MORC1: variants seen among roughly 807,000 people sequenced by gnomAD.
MORC1 encodes MORC family CW-type zinc finger protein 1.
Under a neutral mutation model 134.9 loss-of-function variants are expected in MORC1, and 59 were observed. The ratio of observed to expected loss-of-function variants is 0.44; its 90% CI spans 0.35 to 0.54. The LOEUF (loss-of-function observed/expected upper bound fraction) is 0.54. Among genes scored for constraint, MORC1 ranks in the 20% least tolerant of loss-of-function variants. MORC1 has a pLI of 0.00. For missense variants in MORC1, 947 were observed against 1,134.5 expected, an observed-to-expected ratio of 0.83 and a Z score of 2.37; for synonymous variants, 395 against 391.7, an observed-to-expected ratio of 1.01 and a Z score of -0.10.
chr3:109,021,182 C>G (rs1253774159), intron 17 of MORC1, among the ~76,000 whole-genome samples: 1 of 152,124 alleles, frequency 6.6e-6, no homozygotes, highest in African/African-American at 2.4e-5. Flanking sequence ...TGAGGTGTAC[C>G]CCAGACGCCA....
rs367910895 is a variant in MORC1, at chr3:109,092,394, C to T, written c.689+1042G>A. On this transcript the variant is annotated intron_variant, in intron 8 of 27. Transcript: ENST00000232603. ...GTGGAAAGAAATTTCTAAATTTCAC[C>T]TCATTGGGAAAAGCAAAAGAAGTTC... Among the ~76,000 whole-genome samples, 44 of 152,094 alleles carry T rather than the reference C, an allele frequency of 2.9e-4. 1 individual carries two copies. In the East Asian group the frequency reaches 5.8e-3, roughly 20 times the overall value.
chr3:109,082,334 C>G (rs1950539515), intron 8 of MORC1, among the ~76,000 whole-genome samples: 2 of 151,094 alleles, frequency 1.3e-5, no homozygotes, highest in Admixed American at 6.6e-5. Context: ...AAAAACCAGA[C>G]AGAGAAGACT....
At chr3:109,077,120 A>C (rs747835092) in intron 8 of MORC1, among the ~76,000 whole-genome samples, 1 of 152,216 alleles carries the variant, frequency 6.6e-6, no homozygotes, top group Non-Finnish European at 1.5e-5. Flanking sequence ...AATAGTTCTA[A>C]GGGAAACTAT....
intron 8 of MORC1, among the ~76,000 whole-genome samples, chr3:109,077,991 G>A (rs1043483591): frequency 3.3e-5 from 5 of 151,988 alleles, no homozygotes; most frequent in Non-Finnish European, 5.9e-5. Context: ...CGAAGTGGGG[G>A]AAATAACAGA....
intron 14 of MORC1, among the ~76,000 whole-genome samples, chr3:109,044,121 GAATTA>G (rs568663839): frequency 1.1e-3 from 174 of 152,138 alleles, no homozygotes; most frequent in African/African-American, 4.0e-3. Context: ...AATGCACACA[GAATTA>G]AATTCTCAAT....
At chr3:109,085,335 G>C (rs1303426091) in intron 8 of MORC1, among the ~76,000 whole-genome samples, 1 of 152,122 alleles carries the variant, frequency 6.6e-6, no homozygotes, top group East Asian at 1.9e-4. Flanking sequence ...CTGCAGAATA[G>C]GAGAAAATAT....
Position 108,984,743 on chromosome 3 carries a change from C to G in MORC1, c.2297G>C (p.Arg766Thr), listed in dbSNP as rs746706857. 9.9e-6 allele frequency: 16 copies of G among 1,609,296 alleles called. 1 individual carries two copies. In the South Asian group the frequency reaches 1.8e-4, roughly 18 times the overall value. Residue 766 changes from arginine to threonine, a missense_variant, in exon 23 of 28, where the codon AGA becomes ACA. Arg to Thr is a moderately conservative substitution (Grantham distance 71). Coordinates refer to ENST00000232603, the MANE Select transcript of MORC1 (RefSeq NM_014429.4). ...TTTCCAGCTAGGTAATGAAGAGCTT[C>G]TTTTCATTGCTAGAACATCATTGCA... The part of the protein sequence containing the change: ...ELCNDVLAMK[R>T]SSSLPSWKSL...
chr3:109,055,032 A>G (rs1949924521), intron 13 of MORC1, 150 bp from the exon 14 acceptor site: 6 of 710,926 alleles, frequency 8.4e-6, no homozygotes, highest in Non-Finnish European at 1.4e-5. Flanking sequence ...TTAGCTAATT[A>G]TGTTATCATA....
chr3:108,960,716 T>C (rs1947057118), intron 27 of MORC1, among the ~76,000 whole-genome samples: 1 of 152,118 alleles, frequency 6.6e-6, no homozygotes, highest in Admixed American at 6.6e-5. Context: ...ATTCCTCTCA[T>C]CAGACAAGGG....
At chr3:109,107,304 T>C (rs1951060722) in intron 3 of MORC1, among the ~76,000 whole-genome samples, 1 of 152,136 alleles carries the variant, frequency 6.6e-6, no homozygotes, top group South Asian at 2.1e-4. Flanking sequence ...TATCTATTTG[T>C]CTTTTGGACC....
In MORC1 at chr3:109,070,872, C is replaced by A. The variant is rs184833854; in HGVS notation, c.690-1115G>T. ...GAAGCTCATTAAAAAGTCAGGAATT[C>A]ATCTTAATTGTTCCAAAGGAAATTC... On this transcript the variant is annotated intron_variant, in intron 8 of 27. Coordinates refer to ENST00000232603, the MANE Select transcript of MORC1 (RefSeq NM_014429.4). 2.0e-3 allele frequency among the ~76,000 whole-genome samples: 298 copies of A among 152,060 alleles called. 1 individual carries two copies. Among genetic ancestry groups the A allele is most frequent in the African/African-American group, 6.6e-3 (275 of 41,362 alleles).
chr3:109,045,679 T>A (rs1004578839), intron 14 of MORC1, among the ~76,000 whole-genome samples: 1 of 152,194 alleles, frequency 6.6e-6, no homozygotes, highest in Non-Finnish European at 1.5e-5. Flanking sequence ...GATGCTACAG[T>A]CCTTCTTCCC....
At chr3:108,999,610 T>C (rs1344767461) in intron 21 of MORC1, among the ~76,000 whole-genome samples, 1 of 152,200 alleles carries the variant, frequency 6.6e-6, no homozygotes, top group Admixed American at 6.5e-5. Context: ...CACAAATCTA[T>C]ATAGCATTTT....
intron 23 of MORC1, among the ~76,000 whole-genome samples, chr3:108,982,674 A>T (rs1947768056): frequency 6.6e-6 from 1 of 150,596 alleles, no homozygotes; most frequent in South Asian, 2.1e-4. Context: ...GCACATGTAT[A>T]CCTATGTAAC....
chr3:109,014,988 C>T (rs376453645), intron 17 of MORC1, among the ~76,000 whole-genome samples: 2 of 152,170 alleles, frequency 1.3e-5, no homozygotes, highest in African/African-American at 4.8e-5. Context: ...TGGGTTCAAG[C>T]GATTCTCCTG....
At chr3:109,067,723 T>C (rs1196588030) in intron 9 of MORC1, among the ~76,000 whole-genome samples, 1 of 152,180 alleles carries the variant, frequency 6.6e-6, no homozygotes, top group East Asian at 1.9e-4. Context: ...GACTGATTTA[T>C]AGGGAAAGTC....
At chr3:109,044,017 C>T (rs142142471) in intron 14 of MORC1, among the ~76,000 whole-genome samples, 7 of 152,096 alleles carry the variant, frequency 4.6e-5, no homozygotes, top group Non-Finnish European at 8.8e-5. Flanking sequence ...TGAAAGCACA[C>T]AGCTAATTTT....
rs975231219 is a variant in MORC1, at chr3:109,009,197, G to T, written c.1705-2106C>A. Among the ~76,000 whole-genome samples, 6 of 133,850 alleles carry T rather than the reference G, an allele frequency of 4.5e-5. 1 individual carries two copies. Among genetic ancestry groups the T allele is most frequent in the Middle Eastern group, 4.4e-3 (1 of 228 alleles). 87.8% of individuals were successfully genotyped at this position (133,850 alleles called of 152,430 possible). A position where few individuals can be genotyped will look rare whatever the true frequency, so the allele number is the denominator to read the frequency against. On this transcript the variant is annotated intron_variant, in intron 17 of 27. Coordinates refer to ENST00000232603, the MANE Select transcript of MORC1 (RefSeq NM_014429.4). ...TTCCTGAGTTCTTTCCTATTTTTAC[G>T]TTTTTTGTTGTTTTTTTTTTTTTTT...
At chr3:109,106,011 T>G (rs1417846342) in intron 3 of MORC1, among the ~76,000 whole-genome samples, 1 of 152,244 alleles carries the variant, frequency 6.6e-6, no homozygotes, top group Non-Finnish European at 1.5e-5. Context: ...ATTTCCTCAC[T>G]GTTTAATGAG....
Sources: gnomAD v4.1 joint callset for allele counts (sites outside exome capture counted in the v4.1 genomes callset) on GRCh38, gnomAD v4.1.1 for gene constraint, MANE v1.5 for transcripts, NCBI Gene and HGNC (gene_info 2026-07-23, HGNC 2026-07-21) for gene names.